Variants in NINJ2 observed in about 807,000 individuals in gnomAD.
NINJ2 encodes ninjurin 2.
In NINJ2, 12 loss-of-function variants were observed where a neutral mutation model predicts 11.7. The observed-to-expected ratio is 1.02, with a 90% CI of 0.66 to 1.66. The LOEUF is 1.66. Among genes scored for constraint, NINJ2 ranks in the 40% most tolerant of loss-of-function variants. The probability of loss-of-function intolerance (pLI) is 0.00; values close to 1 mark genes in which losing one functional copy is unlikely to be tolerated. For synonymous variants in NINJ2, 93 were observed against 76.8 expected (o/e 1.21, Z -1.10); for missense variants, 187 against 181.8 (o/e 1.03, Z -0.16).
In NINJ2 at chr12:581,914, G is replaced by A. The variant is rs982447383; in HGVS notation, c.34-15736C>T. Among the ~76,000 whole-genome samples, 5 of 152,060 alleles carry A rather than the reference G, an allele frequency of 3.3e-5. No homozygotes were observed. The highest frequency in any genetic ancestry group is 5.9e-5 in the Non-Finnish European group (4 of 68,004). ...GTGTCCTGAGAACCAGATTCTCCGC[G>A]GACGCTGAACACACAAAAAGCCCAG... On this transcript the variant is annotated intron_variant, in intron 1 of 3. Transcript: ENST00000305108. This position sits in a 1 kb window ranked among gnomAD's most constrained non-coding sequence, Gnocchi z 4.9.
intron 1 of NINJ2, chr12:645,815 C>T (rs1253774695): frequency 1.3e-5 from 2 of 152,354 alleles, no homozygotes; most frequent in Admixed American, 6.5e-5. Context: ...CTCCCTCATA[C>T]CTTGCCCCCC....
At chr12:650,828 C>T (rs960942156) in intron 1 of NINJ2, among the ~76,000 whole-genome samples, 10 of 152,148 alleles carry the variant, frequency 6.6e-5, no homozygotes, top group African/African-American at 1.9e-4. Flanking sequence ...TCTATCCTAA[C>T]GAGTAAAAAG....
intron 1 of NINJ2, among the ~76,000 whole-genome samples, chr12:584,768 T>C (rs1947608964): frequency 6.6e-6 from 1 of 151,706 alleles, no homozygotes; most frequent in Admixed American, 6.6e-5. Flanking sequence ...ATTGCGCCAC[T>C]GCACTTCAGA....
At chr12:634,467 G>A (rs1377223008) in intron 1 of NINJ2, among the ~76,000 whole-genome samples, 1 of 151,794 alleles carries the variant, frequency 6.6e-6, no homozygotes, top group African/African-American at 2.4e-5. Context: ...CACCATGTTG[G>A]CCAGAATGGT....
chr12:636,598 A>C lies in NINJ2; in HGVS notation c.33+26730T>G, dbSNP rs144977627. 2.8e-3 allele frequency among the ~76,000 whole-genome samples: 427 copies of C among 152,258 alleles called. 2 individuals carry two copies. The highest frequency in any genetic ancestry group is 0.012 in the South Asian group (56 of 4,824). On this transcript the variant is annotated intron_variant, in intron 1 of 3. Transcript: ENST00000305108. ...GGGTAGACATTTCTCCAAAGAAGAC[A>C]CACAAATGGCCAACAAGCTTCATGA...
chr12:661,756 T>C (rs1937960685), intron 1 of NINJ2, among the ~76,000 whole-genome samples: 1 of 152,212 alleles, frequency 6.6e-6, no homozygotes. Context: ...AGAAAACACA[T>C]ACTAGGGACA....
At chr12:568,829 C>G (rs923808435) in intron 1 of NINJ2, among the ~76,000 whole-genome samples, 2 of 151,230 alleles carry the variant, frequency 1.3e-5, no homozygotes, top group Non-Finnish European at 2.9e-5. Context: ...AGCATTCATT[C>G]AATAGATTGA....
chr12:658,316 T>A (rs1285980349), intron 1 of NINJ2, among the ~76,000 whole-genome samples: 1 of 152,154 alleles, frequency 6.6e-6, no homozygotes, highest in Non-Finnish European at 1.5e-5. Flanking sequence ...AGTGGCTTTA[T>A]ACAGAATGAT....
chr12:622,292 C>T (rs1948161783), intron 1 of NINJ2, among the ~76,000 whole-genome samples: 1 of 150,524 alleles, frequency 6.6e-6, no homozygotes, highest in South Asian at 2.1e-4. Context: ...TGCCTGTAGT[C>T]CCAGCTACTC....
At position 663,355 on chromosome 12, in the gene NINJ2, T is replaced by C. The variant is rs375586297; in HGVS notation, c.6A>G (p.Glu2=). ...GAAGGTCGATGTTTTCTCTTGCTGA[T>C]TCCATCTCGCTGCCCTCAAGTCCCT... is the stretch of plus-strand genomic sequence containing the variant. M[E]SARENIDLQP... Residue 2 remains glutamate, a synonymous_variant, in exon 1 of 4, where the codon GAA becomes GAG. Transcript: ENST00000305108. 6.2e-7 allele frequency: 1 copy of C among 1,614,202 alleles called. No individual in the cohort carries two copies.
chr12:654,536 A>AT (rs1366491086), intron 1 of NINJ2, among the ~76,000 whole-genome samples: 1 of 151,946 alleles, frequency 6.6e-6, no homozygotes, highest in African/African-American at 2.4e-5. Context: ...AAAAAAAAAA[A>AT]AAAGAATTAT....
At chr12:622,366 C>T (rs370676883) in intron 1 of NINJ2, among the ~76,000 whole-genome samples, 60 of 141,120 alleles carry the variant, frequency 4.3e-4, no homozygotes, top group African/African-American at 1.5e-3. Context: ...GCTGAGATCA[C>T]GCCACTGCAC....
intron 1 of NINJ2, among the ~76,000 whole-genome samples, chr12:631,864 A>G (rs1565642474): frequency 6.6e-6 from 1 of 152,272 alleles, no homozygotes; most frequent in Non-Finnish European, 1.5e-5. Context: ...AGATTTAGGT[A>G]TAAACAGAGT....
intron 1 of NINJ2, among the ~76,000 whole-genome samples, chr12:584,515 T>TA (rs779542934): frequency 4.4e-4 from 66 of 149,264 alleles, no homozygotes; most frequent in Middle Eastern, 7.3e-3. Flanking sequence ...TACTAAAAAT[T>TA]AAAAAATTAG....
chr12:601,272 C>T (rs189617836), intron 1 of NINJ2, among the ~76,000 whole-genome samples: 43 of 152,118 alleles, frequency 2.8e-4, no homozygotes, highest in Admixed American at 4.6e-4. Context: ...ACAGGCCGGG[C>T]GCAGTGGCTC....
intron 1 of NINJ2, among the ~76,000 whole-genome samples, chr12:604,081 G>A (rs866470560): frequency 6.6e-6 from 1 of 152,140 alleles, no homozygotes; most frequent in Admixed American, 6.5e-5. Context: ...GTTGGGACGC[G>A]TGAGTCCTCC....
rs1937843278 is a variant in NINJ2 at position 654,501 on chromosome 12, A to G, written c.33+8827T>C. On this transcript the variant is annotated intron_variant, in intron 1 of 3. Coordinates refer to ENST00000305108, the MANE Select transcript of NINJ2 (RefSeq NM_016533.6). Reference sequence around the variant, plus strand: ...ATGCCATTGCACTCCAGCTTAGGCAACAAGAGTGAAACTCCGTCTCAAAAA... The same window carrying G: ...ATGCCATTGCACTCCAGCTTAGGCAGCAAGAGTGAAACTCCGTCTCAAAAA... Among the ~76,000 whole-genome samples, 3 of 151,140 alleles carry G rather than the reference A, an allele frequency of 2.0e-5. No homozygotes were observed. The South Asian group carries it at 6.4e-4, about 32-fold the overall frequency.
At chr12:649,208 G>A (rs762509014) in intron 1 of NINJ2, among the ~76,000 whole-genome samples, 16 of 151,796 alleles carry the variant, frequency 1.1e-4, no homozygotes, top group African/African-American at 3.4e-4. Context: ...CACCACACTC[G>A]GCTAATTTTT....
intron 1 of NINJ2, among the ~76,000 whole-genome samples, chr12:610,852 G>A (rs1427587365): frequency 6.8e-6 from 1 of 147,992 alleles, no homozygotes; most frequent in African/African-American, 2.5e-5. Context: ...TCCTGCCTCA[G>A]CCTCCCAAGT....
Sources: gnomAD v4.1 joint callset for allele counts (sites outside exome capture counted in the v4.1 genomes callset) on GRCh38, gnomAD v4.1.1 for gene constraint, Gnocchi (gnomAD v3.1) non-coding constraint, MANE v1.5 for transcripts, NCBI Gene and HGNC (gene_info 2026-07-23, HGNC 2026-07-21) for gene names.